TRPM3: variants seen among roughly 807,000 people sequenced by gnomAD.
The protein encoded by TRPM3 is long transient receptor potential channel 3.
In TRPM3, 77 loss-of-function variants were observed where a neutral mutation model predicts 181.2. The ratio of observed to expected loss-of-function variants is 0.42; its 90% confidence interval spans 0.35 to 0.51. TRPM3 has a LOEUF of 0.51. TRPM3 is among the 20% of genes least tolerant of loss of function. The pLI is 0.01. For missense variants in TRPM3, 1,759 were observed against 2,196.7 expected (o/e 0.80, Z 3.98); for synonymous variants, 745 against 796.4 (o/e 0.94, Z 1.09).
chr9:71,246,480 T>A (rs2082040235), intron 1 of TRPM3, among the ~76,000 whole-genome samples: 1 of 152,212 alleles, frequency 6.6e-6, no homozygotes, highest in Admixed American at 6.5e-5. Context: ...GAAAATGAGA[T>A]GTTTCACCAG....
intron 1 of TRPM3, among the ~76,000 whole-genome samples, chr9:71,243,581 A>G (rs753261649): frequency 6.6e-5 from 10 of 152,242 alleles, no homozygotes; most frequent in Non-Finnish European, 1.0e-4. Flanking sequence ...CTGTCTTTTT[A>G]TGTAAAATCA....
chr9:71,278,780 A>T (rs1036339248), intron 1 of TRPM3, among the ~76,000 whole-genome samples: 1 of 152,162 alleles, frequency 6.6e-6, no homozygotes, highest in South Asian at 2.1e-4. Flanking sequence ...TGTATATGAC[A>T]GAGGGTTAAT....
chr9:71,176,594 G>T (rs2077116160), intron 1 of TRPM3, among the ~76,000 whole-genome samples: 1 of 151,996 alleles, frequency 6.6e-6, no homozygotes, highest in Non-Finnish European at 1.5e-5. Flanking sequence ...TATAAATTTA[G>T]TATAGCCTAA....
chr9:71,362,290 G>A (rs2092181809), intron 1 of TRPM3, among the ~76,000 whole-genome samples: 1 of 152,178 alleles, frequency 6.6e-6, no homozygotes, highest in South Asian at 2.1e-4. Flanking sequence ...GGGAGGAGAT[G>A]CACCTATAGC....
At chr9:71,273,568 T>C (rs2083965949) in intron 1 of TRPM3, among the ~76,000 whole-genome samples, 1 of 152,182 alleles carries the variant, frequency 6.6e-6, no homozygotes, top group Non-Finnish European at 1.5e-5. Flanking sequence ...AGGGTGTCAG[T>C]AAGGCTATAC....
chr9:70,849,559 T>G (rs2095139395), intron 3 of TRPM3, among the ~76,000 whole-genome samples: 1 of 152,132 alleles, frequency 6.6e-6, no homozygotes, highest in Non-Finnish European at 1.5e-5. Context: ...AGGTAAATCT[T>G]AAAAAGTATT....
At position 70,683,987 on chromosome 9, in the gene TRPM3, G is replaced by T. The variant is rs116450802; in HGVS notation, c.1273-2409C>A. On this transcript the variant is annotated intron_variant, in intron 8 of 25. Transcript: ENST00000677713. Reference sequence around the variant, plus strand: ...TCATGTACTTAGCTGGCAGCAAGCTGAGGACACTCAGGATAACATCAGAGT... The same window carrying T: ...TCATGTACTTAGCTGGCAGCAAGCTTAGGACACTCAGGATAACATCAGAGT... Among the ~76,000 whole-genome samples, 623 of 152,280 alleles carry T rather than the reference G, an allele frequency of 4.1e-3. 4 individuals are homozygous for T. The highest frequency in any genetic ancestry group is 0.014 in the African/African-American group (594 of 41,554).
intron 24 of TRPM3, among the ~76,000 whole-genome samples, chr9:70,551,561 C>T (rs2046458060): frequency 1.3e-5 from 2 of 152,192 alleles, no homozygotes; most frequent in Admixed American, 6.5e-5. Context: ...ATCTCTGGAC[C>T]ATCCTACTTC....
At chr9:71,211,564 G>T (rs987742064) in intron 1 of TRPM3, among the ~76,000 whole-genome samples, 10 of 152,210 alleles carry the variant, frequency 6.6e-5, no homozygotes, top group Non-Finnish European at 1.0e-4. Context: ...TCAGGGTGTT[G>T]TTGGGAGGGC....
rs185868945 is a variant in TRPM3 at position 70,789,198 on chromosome 9, C to T, written c.974-4919G>A. On this transcript the variant is annotated intron_variant, in intron 6 of 25. Transcript: ENST00000677713. Reference sequence around the variant, plus strand: ...ATAAGACTTCATAGAAAAGAAACAGCTTTTTAGAATGTCAAGAATGCTACA... The same window carrying T: ...ATAAGACTTCATAGAAAAGAAACAGTTTTTTAGAATGTCAAGAATGCTACA... Among the ~76,000 whole-genome samples the T allele has an allele frequency of 1.5e-4, 23 of 152,238 alleles. No homozygotes were observed. In the Middle Eastern group the frequency reaches 0.01, roughly 68 times the overall value.
intron 8 of TRPM3, among the ~76,000 whole-genome samples, chr9:70,754,161 C>T (rs1331327683): frequency 1.3e-5 from 2 of 152,154 alleles, no homozygotes; most frequent in Admixed American, 1.3e-4. Context: ...AGAAAAGGAG[C>T]TGGCACTGCC....
intron 1 of TRPM3, among the ~76,000 whole-genome samples, chr9:71,310,449 T>C (rs1404304863): frequency 6.6e-6 from 1 of 152,054 alleles, no homozygotes; most frequent in African/African-American, 2.4e-5. Flanking sequence ...ACATCTGTGG[T>C]TATTAGAATA....
intron 1 of TRPM3, among the ~76,000 whole-genome samples, chr9:70,921,920 CACACACACACACACACAAACAA>C (rs2096658094): frequency 1.6e-5 from 2 of 128,470 alleles, no homozygotes; most frequent in Non-Finnish European, 3.3e-5. Context: ...AGCCACTATA[CACACACACACACACACAAACAA>C]ACACACACAC....
chr9:71,172,908 G>C (rs2076936779), intron 1 of TRPM3, among the ~76,000 whole-genome samples: 1 of 152,174 alleles, frequency 6.6e-6, no homozygotes, highest in African/African-American at 2.4e-5. Context: ...TTACTTTAGA[G>C]GTATCTAAAA....
chr9:71,197,852 C>T (rs1476708663), intron 1 of TRPM3, among the ~76,000 whole-genome samples: 1 of 142,882 alleles, frequency 7.0e-6, no homozygotes, highest in Non-Finnish European at 1.5e-5. Flanking sequence ...GTTTCTTTTG[C>T]TGTGCAGAAG....
chr9:71,388,383 G>A (rs1364353534), intron 1 of TRPM3, among the ~76,000 whole-genome samples: 1 of 152,076 alleles, frequency 6.6e-6, no homozygotes, highest in Non-Finnish European at 1.5e-5. Context: ...AAATAAAAAT[G>A]TAAAAAGTGA....
chr9:71,097,072 G>A (rs565163875), intron 1 of TRPM3, among the ~76,000 whole-genome samples: 21 of 152,158 alleles, frequency 1.4e-4, no homozygotes, highest in South Asian at 6.2e-4. Flanking sequence ...TGTCCTTCCC[G>A]ACTCTGGCAG....
At chr9:70,806,452 G>A (rs1401503891) in intron 6 of TRPM3, among the ~76,000 whole-genome samples, 1 of 152,066 alleles carries the variant, frequency 6.6e-6, no homozygotes, top group Non-Finnish European at 1.5e-5. Context: ...CAGCACTTTC[G>A]GAGGATGAGG....
At chr9:71,041,603 A>G (rs2058833049) in intron 1 of TRPM3, among the ~76,000 whole-genome samples, 4 of 152,168 alleles carry the variant, frequency 2.6e-5, no homozygotes, top group Admixed American at 6.5e-5. Flanking sequence ...CACTCGACCC[A>G]GCTCAGAGAA....
Sources: allele counts gnomAD v4.1 joint callset (sites outside exome capture counted in the v4.1 genomes callset), GRCh38; gene constraint gnomAD v4.1.1; transcripts MANE v1.5; gene names NCBI Gene and HGNC (gene_info 2026-07-23, HGNC 2026-07-21).